EPHA5: variants seen among roughly 807,000 people sequenced by gnomAD.
EPHA5 encodes the protein ephrin type-A receptor 5.
A neutral mutation model predicts 105.0 loss-of-function variants in EPHA5; 60 were observed. That is an observed-to-expected ratio of 0.57 (90% confidence interval 0.46 to 0.71). EPHA5 has a LOEUF of 0.71. Ranked by LOEUF, EPHA5 falls within the 30% of genes least tolerant of loss-of-function variation. EPHA5 has a pLI of 0.00. For synonymous variants in EPHA5, 513 were observed against 449.1 expected (o/e 1.14, Z -1.80); for missense variants, 1,218 against 1,274.7 (o/e 0.96, Z 0.68).
At chr4:65,376,938 C>A in intron 8 of EPHA5, 11 of 1,418,126 alleles carry the variant, frequency 7.8e-6, no homozygotes, top group South Asian at 1.5e-5. Flanking sequence ...AAAAGGAATG[C>A]CGACGGTAAT....
intron 3 of EPHA5, among the ~76,000 whole-genome samples, chr4:65,570,346 T>A (rs1739994699): frequency 6.6e-6 from 1 of 151,880 alleles, no homozygotes; most frequent in Admixed American, 6.6e-5. Context: ...TATTCCAAGT[T>A]AAGAGGTAGC....
At chr4:65,630,988 A>C (rs2149491287) in intron 2 of EPHA5, among the ~76,000 whole-genome samples, 1 of 152,282 alleles carries the variant, frequency 6.6e-6, no homozygotes, top group South Asian at 2.1e-4. Flanking sequence ...TGACTGCTTA[A>C]GAGAAAAAGC....
rs962634152 is a variant in EPHA5 at position 65,321,944 on chromosome 4, T to C, written c.*2170A>G. ...TATCACTTAGATTGGAATATTTCTA[T>C]AAAATTCAATAAAGTGCCACATAAT... is the stretch of plus-strand genomic sequence containing the variant. On this transcript the variant is annotated 3_prime_UTR_variant, in exon 17 of 17. Transcript: ENST00000613740. 8.8e-6 allele frequency: 2 copies of C among 226,034 alleles called. No individual in the cohort carries two copies. The highest frequency in any genetic ancestry group is 1.8e-5 in the Non-Finnish European group (2 of 113,434). The allele number at this position is 226,034 out of a possible 1,614,324, so 14.0% of individuals were successfully genotyped here.
intron 3 of EPHA5, among the ~76,000 whole-genome samples, chr4:65,599,163 G>A (rs1743466849): frequency 2.6e-5 from 4 of 151,984 alleles, no homozygotes; most frequent in African/African-American, 9.7e-5. Context: ...AAAGTTGACT[G>A]GTAATTTCTA....
chr4:65,440,181 T>C (rs951794461), intron 5 of EPHA5, among the ~76,000 whole-genome samples: 1 of 152,032 alleles, frequency 6.6e-6, no homozygotes, highest in Non-Finnish European at 1.5e-5. Flanking sequence ...AGAAATATTG[T>C]CATTAACATT....
intron 3 of EPHA5, among the ~76,000 whole-genome samples, chr4:65,574,669 C>CATATATACAT (rs1740653363): frequency 3.4e-5 from 1 of 29,832 alleles, no homozygotes; most frequent in Non-Finnish European, 6.8e-5. Context: ...TATATATACA[C>CATATATACAT]ATATATATAC....
rs775528277 is a variant in EPHA5, at chr4:65,602,043, G to A, written c.508C>T (p.Gln170Ter). 1 of 1,613,992 alleles carries A rather than the reference G, an allele frequency of 6.2e-7. No individual in the cohort carries two copies. The highest frequency in any genetic ancestry group is 8.5e-7 in the Non-Finnish European group (1 of 1,179,992). ...DQNGRNIKEN[Q>*]YIKIDTIAAD... ...GCAATGGTATCAATTTTGATGTATT[G>A]GTTTTCCTTGATGTTTCTCCCATTC... Residue 170 changes from glutamine to a stop codon, truncating the protein, a stop_gained, in exon 3 of 17, where the codon CAA (glutamine) becomes TAA (stop). Coordinates refer to ENST00000613740, the MANE Select transcript of EPHA5 (RefSeq NM_001281766.3). LOFTEE classifies it high-confidence loss of function.
intron 5 of EPHA5, among the ~76,000 whole-genome samples, chr4:65,437,898 GTTAAAA>G (rs1725634608): frequency 6.6e-6 from 1 of 151,850 alleles, no homozygotes; most frequent in African/African-American, 2.4e-5. Flanking sequence ...AATTTACATA[GTTAAAA>G]TTTAAGCATC....
chr4:65,560,270 T>G (rs1188066090), intron 3 of EPHA5, among the ~76,000 whole-genome samples: 1 of 152,170 alleles, frequency 6.6e-6, no homozygotes, highest in Admixed American at 6.6e-5. Context: ...ATTGACACAC[T>G]AATCCAGATA....
intron 1 of EPHA5, among the ~76,000 whole-genome samples, chr4:65,654,110 T>C (rs1748850907): frequency 6.6e-6 from 1 of 152,010 alleles, no homozygotes. Flanking sequence ...GAATTGGTTG[T>C]GATACTGGCA....
intron 3 of EPHA5, among the ~76,000 whole-genome samples, chr4:65,502,229 T>A (rs2149243197): frequency 6.6e-6 from 1 of 151,316 alleles, no homozygotes; most frequent in Non-Finnish European, 1.5e-5. Flanking sequence ...TACAAGCAAT[T>A]GTAACAAAAA....
At chr4:65,452,867 A>C (rs1727199906) in intron 5 of EPHA5, among the ~76,000 whole-genome samples, 1 of 152,178 alleles carries the variant, frequency 6.6e-6, no homozygotes, top group African/African-American at 2.4e-5. Context: ...ACCTAAACTT[A>C]ATTGAAAAAA....
chr4:65,439,265 T>C (rs1470484545), intron 5 of EPHA5, among the ~76,000 whole-genome samples: 2 of 152,176 alleles, frequency 1.3e-5, no homozygotes, highest in African/African-American at 2.4e-5. Flanking sequence ...AACTACTTTA[T>C]ATTTTGTAAG....
intron 16 of EPHA5, among the ~76,000 whole-genome samples, chr4:65,329,368 C>T (rs949035117): frequency 1.1e-4 from 16 of 151,312 alleles, no homozygotes; most frequent in Admixed American, 5.3e-4. Context: ...TATACATGCA[C>T]GTACTGGCAA....
intron 8 of EPHA5, among the ~76,000 whole-genome samples, chr4:65,371,291 T>C (rs1182551052): frequency 6.6e-6 from 1 of 152,084 alleles, no homozygotes; most frequent in Non-Finnish European, 1.5e-5. Context: ...GGAGAAATTA[T>C]TCATAGGCAT....
At chr4:65,330,825 G>T (rs1720542335) in intron 16 of EPHA5, 4 of 1,031,146 alleles carry the variant, frequency 3.9e-6, no homozygotes. Flanking sequence ...AAGTAGATAT[G>T]ATCTGGTGGA....
At chr4:65,367,312 G>A (rs1718005808) in intron 9 of EPHA5, 45 bp downstream of exon 9, 1 of 1,439,022 alleles carries the variant, frequency 6.9e-7, no homozygotes, top group Non-Finnish European at 9.7e-7. Context: ...TAACAATAAA[G>A]TGTCCCCTAT....
intron 3 of EPHA5, among the ~76,000 whole-genome samples, chr4:65,519,569 G>GA (rs138541676): frequency 0.14 from 21,817 of 151,900 alleles, 2,149 homozygotes; most frequent in East Asian, 0.35. Context: ...ATTCAATTAG[G>GA]AAAGAGGAAG....
chr4:65,378,478 G>A (rs1286591721), intron 8 of EPHA5, among the ~76,000 whole-genome samples: 2 of 151,878 alleles, frequency 1.3e-5, no homozygotes, highest in Non-Finnish European at 2.9e-5. Context: ...TTTTATATAA[G>A]TTAACTTTCC....
Sources: allele counts gnomAD v4.1 joint callset (sites outside exome capture counted in the v4.1 genomes callset), GRCh38; gene constraint gnomAD v4.1.1; transcripts MANE v1.5; gene names NCBI Gene and HGNC (gene_info 2026-07-23, HGNC 2026-07-21).